The following UIMC1 variants were observed in gnomAD, a reference collection of about 807,000 sequenced individuals.
UIMC1 encodes ubiquitin interaction motif containing 1, also known as BRCA1-A complex subunit RAP80.
A neutral mutation model predicts 84.9 loss-of-function variants in UIMC1; 42 were observed. That is an observed-to-expected ratio of 0.49 (90% confidence interval 0.39 to 0.64). The LOEUF (loss-of-function observed/expected upper bound fraction) is 0.64, where lower values mean the gene tolerates loss of function less well. UIMC1 is among the 30% of genes least tolerant of loss of function. UIMC1 has a pLI of 0.00. For synonymous variants in UIMC1, 281 were observed against 293.0 expected, an observed-to-expected ratio of 0.96 and a Z score of 0.42; for missense variants, 825 against 847.6, an observed-to-expected ratio of 0.97 and a Z score of 0.33.
At chr5:176,972,700 C>A (rs536693835) in intron 3 of UIMC1, among the ~76,000 whole-genome samples, 1 of 151,936 alleles carries the variant, frequency 6.6e-6, no homozygotes, top group African/African-American at 2.4e-5. Flanking sequence ...CACGCAACTG[C>A]GCTCTAACCT....
intron 10 of UIMC1, among the ~76,000 whole-genome samples, chr5:176,938,951 T>TAAA (rs558223904): frequency 2.8e-5 from 4 of 144,020 alleles, no homozygotes; most frequent in Non-Finnish European, 3.1e-5. Flanking sequence ...TAGCACCATT[T>TAAA]AAAAAAAAAA....
rs116444110 is a variant in UIMC1 at position 176,926,460 on chromosome 5, C to T, written c.1598-15071G>A. ...ACCAGCTTGGGCAACATAGCAAGAC[C>T]CCCATCACTACAAAATTAAAATTAA... On this transcript the variant is annotated intron_variant, in intron 10 of 14. Transcript: ENST00000511320. Among the ~76,000 whole-genome samples the T allele has an allele frequency of 8.2e-3, 1,253 of 151,952 alleles. 11 individuals carry two copies. The highest frequency in any genetic ancestry group is 0.024 in the Middle Eastern group (7 of 294).
chr5:176,975,872 GA>G (rs1398895970), intron 2 of UIMC1, among the ~76,000 whole-genome samples: 3 of 152,062 alleles, frequency 2.0e-5, no homozygotes, highest in Non-Finnish European at 4.4e-5. Flanking sequence ...GATAGTAAAG[GA>G]AAGGAAAAAG....
chr5:176,905,342 A>G lies in UIMC1; in HGVS notation c.2100T>C (p.Thr700=), dbSNP rs3736431. The G allele has an allele frequency of 1.3e-4, 216 of 1,614,120 alleles. 2 individuals are homozygous for G. The East Asian group carries it at 4.7e-3, about 35-fold the overall frequency. ...DCLVDFKKQV[T]VQPGSRTRTK... ...TCCGTGTCCGACTACCTGGCTGGAC[A>G]GTAACTTGCTTTTTAAAGTCCACTA... The change falls in exon 15 of 15, where the codon ACT becomes ACC. Residue 700 remains threonine, a synonymous_variant. Transcript: ENST00000511320.
At chr5:176,996,515 A>G (rs1382149854) in intron 1 of UIMC1, among the ~76,000 whole-genome samples, 1 of 152,202 alleles carries the variant, frequency 6.6e-6, no homozygotes, top group African/African-American at 2.4e-5. Flanking sequence ...AGCTAACCCA[A>G]AACAGTCAAG....
intron 7 of UIMC1, among the ~76,000 whole-genome samples, chr5:176,956,430 A>G (rs897435666): frequency 2.0e-5 from 3 of 152,206 alleles, no homozygotes; most frequent in Non-Finnish European, 4.4e-5. Flanking sequence ...ACAAGAGAAG[A>G]CACAGAGATT....
At chr5:177,010,036 G>A (rs1242310739), upstream of UIMC1, among the ~76,000 whole-genome samples, 3 of 151,634 alleles carry the variant, frequency 2.0e-5, no homozygotes, top group Admixed American at 6.6e-5. Flanking sequence ...TACAGATGCC[G>A]TGTGGCCAGA....
At chr5:177,013,228 G>T (rs184784) in intron 1 of UIMC1, among the ~76,000 whole-genome samples, 63,023 of 151,590 alleles carry the variant, frequency 0.42, 13,395 homozygotes, top group East Asian at 0.48. Flanking sequence ...GGGCTTGGTG[G>T]TGCACATCTG....
intron 9 of UIMC1, among the ~76,000 whole-genome samples, chr5:176,943,702 A>T (rs930179851): frequency 6.6e-6 from 1 of 152,246 alleles, no homozygotes; most frequent in African/African-American, 2.4e-5. Flanking sequence ...CTCTACATGT[A>T]TTACTCGTTT....
chr5:176,907,000 C>A, intron 13 of UIMC1, 114 bp downstream of exon 13: 1 of 1,052,248 alleles, frequency 9.5e-7, no homozygotes, highest in Non-Finnish European at 1.4e-6. Context: ...GGCTGGCTGA[C>A]TGGATCACGT....
intron 1 of UIMC1, among the ~76,000 whole-genome samples, chr5:177,018,776 A>G (rs1775726382): frequency 6.6e-6 from 1 of 152,240 alleles, no homozygotes; most frequent in Admixed American, 6.5e-5. Context: ...CTCTGCCTCC[A>G]TGGCACAGGG....
chr5:176,951,891 T>A (rs1429556354), intron 8 of UIMC1, among the ~76,000 whole-genome samples: 1 of 152,344 alleles, frequency 6.6e-6, no homozygotes, highest in African/African-American at 2.4e-5. Flanking sequence ...AAGTTCTCTG[T>A]ACCCCTCTGC....
intron 1 of UIMC1, chr5:177,001,625 GTTTA>G (rs1774468278): frequency 2.0e-5 from 3 of 152,156 alleles, no homozygotes; most frequent in Admixed American, 2.0e-4. Context: ...CCCCAGAACA[GTTTA>G]AACAATCTTG....
At chr5:176,991,956 C>CA (rs1021849637) in intron 1 of UIMC1, among the ~76,000 whole-genome samples, 1 of 151,882 alleles carries the variant, frequency 6.6e-6, no homozygotes, top group African/African-American at 2.4e-5. Context: ...CCCACCTCTA[C>CA]AAAAAAATTT....
intron 4 of UIMC1, chr5:176,970,446 T>C: frequency 4.9e-6 from 2 of 407,244 alleles, no homozygotes; most frequent in South Asian, 2.3e-5. Flanking sequence ...TGCTGCCTTC[T>C]GGTTCTTGGT....
intron 1 of UIMC1, among the ~76,000 whole-genome samples, chr5:176,984,045 T>C (rs1771521636): frequency 9.2e-6 from 1 of 109,158 alleles, no homozygotes; most frequent in Admixed American, 9.1e-5. Flanking sequence ...CCGCCCCGTC[T>C]GGGAAGTGAG....
chr5:176,936,633 T>C (rs761471436), intron 10 of UIMC1, among the ~76,000 whole-genome samples: 3 of 152,194 alleles, frequency 2.0e-5, no homozygotes, highest in Non-Finnish European at 4.4e-5. Flanking sequence ...GGTTTCACTG[T>C]TTATCTCTCC....
rs911033758 is a variant in UIMC1, at chr5:176,905,345, A to G, written c.2097T>C (p.Val699=). The change falls in exon 15 of 15, where the codon GTT becomes GTC. Residue 699 remains valine, a synonymous_variant. Transcript: ENST00000511320. Reference sequence around the variant, plus strand: ...GTGTCCGACTACCTGGCTGGACAGTAACTTGCTTTTTAAAGTCCACTAAGC... The same window carrying G: ...GTGTCCGACTACCTGGCTGGACAGTGACTTGCTTTTTAAAGTCCACTAAGC... ...TDCLVDFKKQ[V]TVQPGSRTRT... 2 of 1,614,074 alleles carry G rather than the reference A, an allele frequency of 1.2e-6. No individual in the cohort carries two copies. The highest frequency in any genetic ancestry group is 2.2e-5 in the South Asian group (2 of 91,078).
At chr5:176,907,600 T>G (rs1472920) in intron 12 of UIMC1, among the ~76,000 whole-genome samples, 41,699 of 152,052 alleles carry the variant, frequency 0.27, 5,765 homozygotes, top group Middle Eastern at 0.35. Context: ...TCGGTAACCC[T>G]AGAATATGGA....
Sources: gnomAD v4.1 joint callset for allele counts (sites outside exome capture counted in the v4.1 genomes callset) on GRCh38, gnomAD v4.1.1 for gene constraint, MANE v1.5 for transcripts, NCBI Gene and HGNC (gene_info 2026-07-23, HGNC 2026-07-21) for gene names.